Variants in ZNF143 observed in about 807,000 individuals in gnomAD.
The protein encoded by ZNF143 is zinc finger protein 143.
A neutral mutation model predicts 74.1 loss-of-function variants in ZNF143; 49 were observed. The observed-to-expected ratio is 0.66, with a 90% CI of 0.53 to 0.84. The LOEUF (loss-of-function observed/expected upper bound fraction) is 0.84, where lower values mean the gene tolerates loss of function less well. Ranked by LOEUF, ZNF143 falls within the 40% of genes least tolerant of loss-of-function variation. The pLI, the probability that ZNF143 is intolerant of heterozygous loss-of-function variation, is 0.00. For synonymous variants in ZNF143, 304 were observed against 282.8 expected (o/e 1.07, Z -0.75); for missense variants, 637 against 793.4 (o/e 0.80, Z 2.37).
intron 1 of ZNF143, 97 bp downstream of exon 1, chr11:9,461,173 G>GGCTCCC (rs1565013205): frequency 1.3e-6 from 1 of 763,616 alleles, no homozygotes; most frequent in East Asian, 1.3e-4. Context: ...CCCGGGCTCC[G>GGCTCCC]GCTCCCGCTG....
At chr11:9,526,436 G>A (rs971125868) in intron 15 of ZNF143, among the ~76,000 whole-genome samples, 18 of 151,964 alleles carry the variant, frequency 1.2e-4, no homozygotes, top group African/African-American at 3.6e-4. Context: ...TTTTTTTTCC[G>A]CCCACGTGTT....
intron 1 of ZNF143, among the ~76,000 whole-genome samples, chr11:9,461,456 C>T (rs1404490865): frequency 6.6e-6 from 1 of 152,116 alleles, no homozygotes; most frequent in South Asian, 2.1e-4. Context: ...CAGAGCGAGT[C>T]CCCAGGCGCC....
chr11:9,511,102 CT>C (rs777285359), intron 12 of ZNF143, among the ~76,000 whole-genome samples: 5,626 of 70,974 alleles, frequency 0.079, 53 homozygotes, highest in African/African-American at 0.13. Flanking sequence ...TTAACAGCTT[CT>C]TTTTTTTTTT....
chr11:9,477,780 T>A (rs560973008), intron 5 of ZNF143, among the ~76,000 whole-genome samples: 1 of 152,158 alleles, frequency 6.6e-6, no homozygotes, highest in Non-Finnish European at 1.5e-5. Flanking sequence ...TCTCTACATA[T>A]TGATTTTGAC....
intron 7 of ZNF143, among the ~76,000 whole-genome samples, chr11:9,493,285 T>C (rs1419677324): frequency 6.6e-6 from 1 of 152,078 alleles, no homozygotes; most frequent in Non-Finnish European, 1.5e-5. Flanking sequence ...TTAGCCAGGA[T>C]GGTCTCGATC....
chr11:9,488,239 G>C (rs1847636581), intron 7 of ZNF143, among the ~76,000 whole-genome samples: 1 of 152,156 alleles, frequency 6.6e-6, no homozygotes, highest in Non-Finnish European at 1.5e-5. Context: ...AACAGAACGA[G>C]ACCCTGTCTT....
chr11:9,490,920 TG>T (rs1847749317), intron 7 of ZNF143, among the ~76,000 whole-genome samples: 4 of 152,144 alleles, frequency 2.6e-5, no homozygotes, highest in Non-Finnish European at 4.4e-5. Flanking sequence ...TTTGCAGAGA[TG>T]GGGTTCCCCC....
chr11:9,493,071 CT>C (rs148050807), intron 7 of ZNF143, among the ~76,000 whole-genome samples: 323 of 137,282 alleles, frequency 2.4e-3, no homozygotes, highest in Middle Eastern at 3.8e-3. Context: ...ATTATGCCTA[CT>C]TTTTTTTTTT....
intron 5 of ZNF143, among the ~76,000 whole-genome samples, chr11:9,477,173 C>T (rs534797531): frequency 2.3e-4 from 22 of 97,692 alleles, no homozygotes; most frequent in Admixed American, 4.9e-4. Context: ...CTTCCTTCCT[C>T]CTCTCCCTTC....
chr11:9,505,893 A>C (rs1848346576), intron 11 of ZNF143, among the ~76,000 whole-genome samples: 2 of 151,944 alleles, frequency 1.3e-5, no homozygotes, highest in South Asian at 4.1e-4. Context: ...AAAAAAAAAA[A>C]AAAAGGAAAA....
At chr11:9,489,596 G>A (rs896278983) in intron 7 of ZNF143, among the ~76,000 whole-genome samples, 1 of 152,094 alleles carries the variant, frequency 6.6e-6, no homozygotes. Context: ...CTAATAAATT[G>A]GCCTAGGAGG....
At chr11:9,475,801 G>A (rs1488356300) in intron 5 of ZNF143, among the ~76,000 whole-genome samples, 1 of 152,000 alleles carries the variant, frequency 6.6e-6, no homozygotes, top group Non-Finnish European at 1.5e-5. Flanking sequence ...GGAGGCTGAG[G>A]CAGGAGAATC....
At chr11:9,516,426 A>G in intron 14 of ZNF143, 64 bp downstream of exon 14, 4 of 1,440,534 alleles carry the variant, frequency 2.8e-6, no homozygotes, top group Non-Finnish European at 3.8e-6. Flanking sequence ...TTACATAGGT[A>G]TGCAATGTGG....
At chr11:9,522,395 A>G (rs1488729494) in intron 14 of ZNF143, among the ~76,000 whole-genome samples, 1 of 152,054 alleles carries the variant, frequency 6.6e-6, no homozygotes, top group African/African-American at 2.4e-5. Flanking sequence ...CTGGGGAAAA[A>G]AAAAAAAATT....
intron 4 of ZNF143, 35 bp from the exon 5 acceptor site, chr11:9,474,515 A>G: frequency 6.2e-7 from 1 of 1,609,122 alleles, no homozygotes; most frequent in Non-Finnish European, 8.5e-7. Context: ...ATGTGCTAGA[A>G]AACATGAGAT....
At chr11:9,522,541 C>T (rs909978817) in intron 14 of ZNF143, among the ~76,000 whole-genome samples, 5 of 152,224 alleles carry the variant, frequency 3.3e-5, no homozygotes, top group Middle Eastern at 3.4e-3. Flanking sequence ...TTGCCCAGGC[C>T]GGAGTGCAAT....
chr11:9,465,855 C>T (rs759205344), intron 1 of ZNF143, among the ~76,000 whole-genome samples: 24 of 151,918 alleles, frequency 1.6e-4, no homozygotes, highest in Non-Finnish European at 5.9e-5. Context: ...GGGAGGATTT[C>T]TCTCTGTTTC....
chr11:9,464,086 T>TGTGTGTG (rs1565016580), intron 1 of ZNF143, among the ~76,000 whole-genome samples: 4 of 124,014 alleles, frequency 3.2e-5, no homozygotes, highest in East Asian at 3.3e-4. Context: ...GTGTGTGTGT[T>TGTGTGTG]TGTGTGTGTG....
rs183802295 is a variant in ZNF143, at chr11:9,517,072, G to A, written c.1686+710G>A. ...TGAGACTACAGGTGTGCACCACCAT[G>A]CCTGGCTAATTTTTATTTTTTATTT... is the stretch of plus-strand genomic sequence containing the variant. On this transcript the variant is annotated intron_variant, in intron 14 of 15. Coordinates refer to ENST00000396602, the MANE Select transcript of ZNF143 (RefSeq NM_003442.6). Among the ~76,000 whole-genome samples the A allele has an allele frequency of 1.7e-3, 266 of 152,170 alleles. 3 individuals are homozygous for A. The highest frequency in any genetic ancestry group is 6.1e-3 in the African/African-American group (252 of 41,520).
Sources: gnomAD v4.1 joint callset for allele counts (sites outside exome capture counted in the v4.1 genomes callset) on GRCh38, gnomAD v4.1.1 for gene constraint, MANE v1.5 for transcripts, NCBI Gene and HGNC (gene_info 2026-07-23, HGNC 2026-07-21) for gene names.